OR6C1: variants seen among roughly 807,000 people sequenced by gnomAD.
OR6C1 encodes the protein olfactory receptor 6C1.
For synonymous variants in OR6C1, 157 were observed against 133.3 expected (o/e 1.18, Z -1.22); for missense variants, 386 against 366.1 (o/e 1.05, Z -0.44).
chr12:55,321,483 T>TCAAG lies in OR6C1; in HGVS notation c.890_893dup (p.Phe299SerfsTer4), dbSNP rs1227177987. ...ATTTACAGCCTAAGAAATCAGCAAGTCAAGCAAGCTTTCATTAACATGGCA... is the reference window on the plus strand; with the variant it reads ...ATTTACAGCCTAAGAAATCAGCAAGTCAAGCAAGCAAGCTTTCATTAACATGGCA... On this transcript the variant is annotated frameshift_variant, in exon 2 of 2. Coordinates refer to ENST00000642104, the MANE Select transcript of OR6C1 (RefSeq NM_001005182.2). LOFTEE classifies it low-confidence loss of function (END_TRUNC). 1.9e-6 allele frequency: 3 copies of TCAAG among 1,613,612 alleles called. No homozygotes were observed. Among genetic ancestry groups the TCAAG allele is most frequent in the Admixed American group, 3.3e-5 (2 of 59,940 alleles).
Position 55,321,199 on chromosome 12 carries a change from T to G in OR6C1, c.600T>G (p.Cys200Trp). 1.2e-6 allele frequency: 2 copies of G among 1,614,026 alleles called. No homozygotes were observed. The highest frequency in any genetic ancestry group is 1.1e-5 in the South Asian group (1 of 91,082). Reference protein sequence around the residue: ...TKFLEVMGFSCAAFTLMFTLA... With the variant: ...TKFLEVMGFSWAAFTLMFTLA... The stretch of plus-strand genomic sequence containing the variant: ...TCTTAGAGGTGATGGGATTTTCTTG[T>G]GCTGCGTTTACTCTAATGTTCACTT... The change falls in exon 2 of 2, where the codon TGT (cysteine) becomes TGG (tryptophan). Residue 200 changes from cysteine (C) to tryptophan (W), a missense_variant. Transcript: ENST00000642104.
chr12:55,320,676 T>C lies in OR6C1; in HGVS notation c.77T>C (p.Phe26Ser). 1.2e-6 allele frequency: 2 copies of C among 1,613,864 alleles called. No individual in the cohort carries two copies. Among genetic ancestry groups the C allele is most frequent in the Non-Finnish European group, 1.7e-6 (2 of 1,179,812 alleles). ...GACCCAAATTTTCAGGTTGTAATCTTTGTCTTCCTGCTCATCACCTACATG... is the reference window on the plus strand; with the variant it reads ...GACCCAAATTTTCAGGTTGTAATCTCTGTCTTCCTGCTCATCACCTACATG... ...TDDPNFQVVI[F>S]VFLLITYMLS... is the part of the protein sequence containing the mutation. Residue 26 changes from phenylalanine (F) to serine (S), a missense_variant, in exon 2 of 2, where the codon TTT becomes TCT. Coordinates refer to ENST00000642104, the MANE Select transcript of OR6C1 (RefSeq NM_001005182.2).
rs1868567168 is a variant in OR6C1, at chr12:55,321,723, C to T, written c.*185C>T. 1 of 415,980 alleles carries T rather than the reference C, an allele frequency of 2.4e-6. No individual in the cohort carries two copies. Among genetic ancestry groups the T allele is most frequent in the Non-Finnish European group, 4.2e-6 (1 of 237,124 alleles). 25.8% of individuals were successfully genotyped at this position (415,980 alleles called of 1,614,324 possible). ...ATAATTTTCTTGTGTCTTCCTGACACCCCCTCCTTTGAACAATTTTTTGTA... is the reference window on the plus strand; with the variant it reads ...ATAATTTTCTTGTGTCTTCCTGACATCCCCTCCTTTGAACAATTTTTTGTA... On this transcript the variant is annotated 3_prime_UTR_variant, in exon 2 of 2. Coordinates refer to ENST00000642104, the MANE Select transcript of OR6C1 (RefSeq NM_001005182.2).
At chr12:55,314,754 C>G (rs1225316798) in intron 1 of OR6C1, among the ~76,000 whole-genome samples, 155 bp downstream of exon 1, 1 of 151,424 alleles carries the variant, frequency 6.6e-6, no homozygotes, top group Non-Finnish European at 1.5e-5. Flanking sequence ...CCTATTATAC[C>G]AGTTTATTCA....
In OR6C1 at chr12:55,321,424, A is replaced by G. The variant is rs1357315107; in HGVS notation, c.825A>G (p.Leu275=). ...CCTTGAGCAAGGGAGTGGCAATACT[A>G]AACACCTCAGTAGCCCCCATGATGA... ...RVSLSKGVAI[L]NTSVAPMMNP... is the part of the protein sequence containing the mutation. The change falls in exon 2 of 2, where the codon CTA becomes CTG. Residue 275 remains leucine, a synonymous_variant. Transcript: ENST00000642104. 6.2e-7 allele frequency: 1 copy of G among 1,613,828 alleles called. No individual in the cohort carries two copies.
Position 55,322,200 on chromosome 12 carries a change from A to G in OR6C1, c.*662A>G, listed in dbSNP as rs1426932967. On this transcript the variant is annotated 3_prime_UTR_variant, in exon 2 of 2. Transcript: ENST00000642104. Reference sequence around the variant, plus strand: ...GATAGACACATATGCAAATACATACATAAGTTTTGTCAAACATAGAGAATA... The same window carrying G: ...GATAGACACATATGCAAATACATACGTAAGTTTTGTCAAACATAGAGAATA... The G allele has an allele frequency of 2.6e-5, 4 of 151,984 alleles. No individual in the cohort carries two copies. The highest frequency in any genetic ancestry group is 7.2e-5 in the African/African-American group (3 of 41,452). The allele number at this position is 151,984 out of a possible 1,614,324, so 9.4% of individuals were successfully genotyped here.
At position 55,316,131 on chromosome 12, in the gene OR6C1, C is replaced by CACA. The variant is rs1555172618; in HGVS notation, c.-34+1532_-34+1533insACA. On this transcript the variant is annotated intron_variant, in intron 1 of 1. Coordinates refer to ENST00000642104, the MANE Select transcript of OR6C1 (RefSeq NM_001005182.2). The stretch of plus-strand genomic sequence containing the variant: ...CACACACACACACACACACACACAC[C>CACA]CCCCGAGAGAATAATAAAATAGAGC... 3.9e-3 allele frequency among the ~76,000 whole-genome samples: 476 copies of CACA among 121,768 alleles called. 3 individuals are homozygous for CACA. The highest frequency in any genetic ancestry group is 0.012 in the African/African-American group (321 of 26,582). 79.9% of individuals were successfully genotyped at this position (121,768 alleles called of 152,430 possible).
At position 55,322,218 on chromosome 12, in the gene OR6C1, A is replaced by G. The variant is rs933404832; in HGVS notation, c.*680A>G. 1.3e-5 allele frequency: 2 copies of G among 151,812 alleles called. No individual in the cohort carries two copies. The highest frequency in any genetic ancestry group is 1.3e-4 in the Admixed American group (2 of 15,258). The allele number at this position is 151,812 out of a possible 1,614,324, so 9.4% of individuals were successfully genotyped here. A position where few individuals can be genotyped will look rare whatever the true frequency, so the allele number is the denominator to read the frequency against. Reference sequence around the variant, plus strand: ...TACATACATAAGTTTTGTCAAACATAGAGAATATATAGTATATTCCTAAGA... The same window carrying G: ...TACATACATAAGTTTTGTCAAACATGGAGAATATATAGTATATTCCTAAGA... On this transcript the variant is annotated 3_prime_UTR_variant, in exon 2 of 2. Transcript: ENST00000642104.
Position 55,320,949 on chromosome 12 carries a change from C to G in OR6C1, c.350C>G (p.Ser117Cys). 3.1e-6 allele frequency: 5 copies of G among 1,613,900 alleles called. No homozygotes were observed. The highest frequency in any genetic ancestry group is 4.2e-6 in the Non-Finnish European group (5 of 1,179,838). ...VTEFYLLAAM[S>C]YDRYVAICKP... Reference sequence around the variant, plus strand: ...GAGTTTTACCTTCTGGCTGCCATGTCCTATGACCGCTATGTGGCCATCTGC... The same window carrying G: ...GAGTTTTACCTTCTGGCTGCCATGTGCTATGACCGCTATGTGGCCATCTGC... The change falls in exon 2 of 2, where the codon TCC becomes TGC. Residue 117 changes from serine (S) to cysteine (C), a missense_variant. Physicochemically the swap from Ser to Cys is moderately radical, Grantham distance 112 (BLOSUM62 -1). Coordinates refer to ENST00000642104, the MANE Select transcript of OR6C1 (RefSeq NM_001005182.2).
chr12:55,317,863 A>G (rs141945528), intron 1 of OR6C1, among the ~76,000 whole-genome samples: 1 of 149,876 alleles, frequency 6.7e-6, no homozygotes, highest in Non-Finnish European at 1.5e-5. Context: ...GAACAAAGGT[A>G]ATTTGGGATG....
chr12:55,316,553 A>G (rs61957874), intron 1 of OR6C1, among the ~76,000 whole-genome samples: 7 of 151,900 alleles, frequency 4.6e-5, no homozygotes, highest in Non-Finnish European at 7.4e-5. Flanking sequence ...ATCCAAGATA[A>G]CTAATTAAAT....
Position 55,320,972 on chromosome 12 carries a change from T to G in OR6C1, c.373T>G (p.Cys125Gly). The G allele has an allele frequency of 6.2e-7, 1 of 1,613,988 alleles. No individual in the cohort carries two copies. Among genetic ancestry groups the G allele is most frequent in the Non-Finnish European group, 8.5e-7 (1 of 1,179,892 alleles). ...AMSYDRYVAICKPLHCLSIMN... is the reference protein window; with the variant it reads ...AMSYDRYVAIGKPLHCLSIMN... ...GTCCTATGACCGCTATGTGGCCATC[T>G]GCAAGCCTCTGCATTGCTTGAGTAT... The change falls in exon 2 of 2, where the codon TGC (cysteine) becomes GGC (glycine). Residue 125 changes from cysteine (C) to glycine (G), a missense_variant. Coordinates refer to ENST00000642104, the MANE Select transcript of OR6C1 (RefSeq NM_001005182.2).
rs1036815107 is a variant in OR6C1, at chr12:55,321,716, C to T, written c.*178C>T. The T allele has an allele frequency of 7.1e-6, 3 of 423,972 alleles. No homozygotes were observed. The highest frequency in any genetic ancestry group is 1.2e-5 in the Non-Finnish European group (3 of 242,226). The allele number at this position is 423,972 out of a possible 1,614,324, so 26.3% of individuals were successfully genotyped here. ...ACTTAAAATAATTTTCTTGTGTCTTCCTGACACCCCCTCCTTTGAACAATT... is the reference window on the plus strand; with the variant it reads ...ACTTAAAATAATTTTCTTGTGTCTTTCTGACACCCCCTCCTTTGAACAATT... On this transcript the variant is annotated 3_prime_UTR_variant, in exon 2 of 2. Coordinates refer to ENST00000642104, the MANE Select transcript of OR6C1 (RefSeq NM_001005182.2).
rs1868556493 is a variant in OR6C1, at chr12:55,321,440, C to T, written c.841C>T (p.Pro281Ser). 1 of 1,613,822 alleles carries T rather than the reference C, an allele frequency of 6.2e-7. No homozygotes were observed. Among genetic ancestry groups the T allele is most frequent in the African/African-American group, 1.3e-5 (1 of 75,010 alleles). ...GVAILNTSVA[P>S]MMNPFIYSLR... ...GGCAATACTAAACACCTCAGTAGCC[C>T]CCATGATGAACCCCTTTATTTACAG... Residue 281 changes from proline (P) to serine (S), a missense_variant, in exon 2 of 2, where the codon CCC becomes TCC. By Grantham distance (74) the Pro-to-Ser change is moderately conservative. Transcript: ENST00000642104.
At chr12:55,315,412 CTAGT>C (rs1474256999) in intron 1 of OR6C1, among the ~76,000 whole-genome samples, 1 of 151,600 alleles carries the variant, frequency 6.6e-6, no homozygotes, top group Non-Finnish European at 1.5e-5. Context: ...TTATAAATGG[CTAGT>C]TAATGAACTG....
intron 1 of OR6C1, among the ~76,000 whole-genome samples, chr12:55,320,359 T>C (rs1048559582): frequency 1.1e-4 from 17 of 152,320 alleles, no homozygotes; most frequent in African/African-American, 4.1e-4. Flanking sequence ...CCAACTGTGA[T>C]AACAAACTTT....
intron 1 of OR6C1, among the ~76,000 whole-genome samples, chr12:55,318,845 C>T (rs1436478032): frequency 6.6e-6 from 1 of 151,386 alleles, no homozygotes; most frequent in Non-Finnish European, 1.5e-5. Context: ...AAGTGATTTT[C>T]AGACGTAGTA....
In OR6C1 at chr12:55,321,480, A is replaced by T. The variant is rs750074201; in HGVS notation, c.881A>T (p.Gln294Leu). The T allele has an allele frequency of 1.9e-6, 3 of 1,613,714 alleles. No individual in the cohort carries two copies. The highest frequency in any genetic ancestry group is 2.5e-6 in the Non-Finnish European group (3 of 1,179,830). ...NPFIYSLRNQ[Q>L]VKQAFINMAR... ...TTTATTTACAGCCTAAGAAATCAGCAAGTCAAGCAAGCTTTCATTAACATG... is the reference window on the plus strand; with the variant it reads ...TTTATTTACAGCCTAAGAAATCAGCTAGTCAAGCAAGCTTTCATTAACATG... Residue 294 changes from glutamine (Q) to leucine (L), a missense_variant, in exon 2 of 2, where the codon CAA becomes CTA. Coordinates refer to ENST00000642104, the MANE Select transcript of OR6C1 (RefSeq NM_001005182.2).
chr12:55,320,332 T>A (rs543828059), intron 1 of OR6C1, among the ~76,000 whole-genome samples: 2 of 152,202 alleles, frequency 1.3e-5, no homozygotes, highest in Non-Finnish European at 2.9e-5. Flanking sequence ...TGGTTTCAAA[T>A]TCCTGCCCTA....
Sources: allele counts gnomAD v4.1 joint callset (sites outside exome capture counted in the v4.1 genomes callset), GRCh38; gene constraint gnomAD v4.1.1; transcripts MANE v1.5; gene names NCBI Gene and HGNC (gene_info 2026-07-23, HGNC 2026-07-21).